INF2: variants seen among roughly 807,000 people sequenced by gnomAD.
The protein encoded by INF2 is inverted formin-2.
In INF2, 43 loss-of-function variants were observed where a neutral mutation model predicts 123.5. The ratio of observed to expected loss-of-function variants is 0.35; its 90% confidence interval spans 0.27 to 0.45. INF2 has a LOEUF of 0.45. INF2 is among the 20% of genes least tolerant of loss of function. The pLI, the probability that INF2 is intolerant of heterozygous loss-of-function variation, is 1.00. For missense variants in INF2, 1,453 were observed against 1,682.7 expected, an observed-to-expected ratio of 0.86 and a Z score of 2.39; for synonymous variants, 851 against 745.0, an observed-to-expected ratio of 1.14 and a Z score of -2.32.
rs1890239235 is a variant in INF2 at position 104,715,190 on chromosome 14, A to C, written c.3695-94A>C. 5 of 1,234,578 alleles carry C rather than the reference A, an allele frequency of 4.0e-6. No individual in the cohort carries two copies. The Admixed American group carries it at 6.8e-5, about 17-fold the overall frequency. The allele number at this position is 1,234,578 out of a possible 1,614,324, so 76.5% of individuals were successfully genotyped here. A position where few individuals can be genotyped will look rare whatever the true frequency, so the allele number is the denominator to read the frequency against. ...CGGGCAGCCCTCAGAGGGTGTTGGC[A>C]TGGCTGTCCCGGGCCCCCCAGCCCC... On this transcript the variant is annotated intron_variant, in intron 21 of 22. Transcript: ENST00000392634.
In INF2 at chr14:104,707,334, C is replaced by A; in HGVS notation, c.1067C>A (p.Ala356Asp). The change falls in exon 8 of 23, where the codon GCC (alanine) becomes GAC (aspartate). Residue 356 changes from alanine to aspartate, a missense_variant. By Grantham distance (126) the Ala-to-Asp change is moderately radical (BLOSUM62 -2). Around this residue, in one of 8 missense-constraint regions of INF2, gnomAD observed 374 missense variants for 303.7 expected, o/e 1.23. Coordinates refer to ENST00000392634, the MANE Select transcript of INF2 (RefSeq NM_022489.4). ...GRPRPSPLVKAHKSVQANLDQ... is the reference protein window; with the variant it reads ...GRPRPSPLVKDHKSVQANLDQ... The stretch of plus-strand genomic sequence containing the variant: ...CCCAGACCGAGCCCCCTGGTCAAGG[C>A]CCATAAAAGCGTCCAGGCCAACCTA... The A allele has an allele frequency of 1.2e-6, 2 of 1,602,068 alleles. No homozygotes were observed. Among genetic ancestry groups the A allele is most frequent in the African/African-American group, 2.7e-5 (2 of 74,716 alleles).
intron 22 of INF2, chr14:104,715,585 C>G (rs913648110): frequency 8.2e-6 from 5 of 607,180 alleles, no homozygotes; most frequent in South Asian, 3.8e-5. Flanking sequence ...GTGCTGGCCC[C>G]GGGCATGCGG....
At chr14:104,715,719 G>A in intron 22 of INF2, 2 of 522,992 alleles carry the variant, frequency 3.8e-6, no homozygotes, top group Non-Finnish European at 7.3e-6. Context: ...CTGGTGTCCT[G>A]GCGCTAACTG....
chr14:104,709,337 TGGA>T lies in INF2; in HGVS notation c.2009_2011del (p.Glu670del). ...GCTGGAGATACCACCAAGTTTGATG[TGGA>T]GGTTCTCAAACAACTCCTTAAGCTC... On this transcript the variant is annotated inframe_deletion, in exon 11 of 23. Transcript: ENST00000392634. 1 of 1,613,148 alleles carries T rather than the reference TGGA, an allele frequency of 6.2e-7. No individual in the cohort carries two copies. The highest frequency in any genetic ancestry group is 8.5e-7 in the Non-Finnish European group (1 of 1,179,826).
chr14:104,701,465 G>T lies in INF2; in HGVS notation c.100G>T (p.Asp34Tyr). The T allele has an allele frequency of 6.2e-7, 1 of 1,600,616 alleles. No individual in the cohort carries two copies. The change falls in exon 2 of 23, where the codon GAC (aspartate) becomes TAC (tyrosine). Residue 34 changes from aspartate (D) to tyrosine (Y), a missense_variant. Around this residue, in one of 8 missense-constraint regions of INF2, gnomAD observed 43 missense variants for 44.7 expected, o/e 0.96. Coordinates refer to ENST00000392634, the MANE Select transcript of INF2 (RefSeq NM_022489.4). Reference sequence around the variant, plus strand: ...CACGGAGGCCAACCTGGAGAGCGCGGACCCCGAGCTGTGCATCCGGCTGCT... The same window carrying T: ...CACGGAGGCCAACCTGGAGAGCGCGTACCCCGAGCTGTGCATCCGGCTGCT... ...DPTEANLESA[D>Y]PELCIRLLQM...
chr14:104,689,570 G>T (rs1283337171), upstream of INF2: 4 of 935,736 alleles, frequency 4.3e-6, no homozygotes, highest in Non-Finnish European at 5.1e-6. Context: ...GCTGACGGGC[G>T]GGGCGGCACC....
In INF2 at chr14:104,713,192, C is replaced by T; in HGVS notation, c.2776-15C>T. 1.3e-6 allele frequency: 2 copies of T among 1,561,018 alleles called. No homozygotes were observed. Among genetic ancestry groups the T allele is most frequent in the Non-Finnish European group, 1.7e-6 (2 of 1,153,668 alleles). ...ATGCCACGCTGGGGTGACGGGGCCACATCTGCCAGTGCAGGAGAACAAGGA... is the reference window on the plus strand; with the variant it reads ...ATGCCACGCTGGGGTGACGGGGCCATATCTGCCAGTGCAGGAGAACAAGGA... On this transcript the variant is annotated splice_polypyrimidine_tract_variant and intron_variant, in intron 18 of 22. Coordinates refer to ENST00000392634, the MANE Select transcript of INF2 (RefSeq NM_022489.4).
At chr14:104,695,147 G>A (rs1270150557) in intron 1 of INF2, among the ~76,000 whole-genome samples, 1 of 152,126 alleles carries the variant, frequency 6.6e-6, no homozygotes, top group East Asian at 1.9e-4. Context: ...GTACGTCTGG[G>A]GCCTGCGATA....
Position 104,699,689 on chromosome 14 carries a change from C to G in INF2, c.-9-1668C>G, listed in dbSNP as rs1328985299. 1 of 685,218 alleles carries G rather than the reference C, an allele frequency of 1.5e-6. No homozygotes were observed. The highest frequency in any genetic ancestry group is 2.0e-5 in the African/African-American group (1 of 51,194). 42.4% of individuals were successfully genotyped at this position (685,218 alleles called of 1,614,324 possible). ...CACCGGGGGCTCCGGGCTCTCCGTT[C>G]TACAGTGCCCAGACCAGGACCCCCT... is the stretch of plus-strand genomic sequence containing the variant. On this transcript the variant is annotated intron_variant, in intron 1 of 22. Transcript: ENST00000392634. The surrounding 1 kb of genome is among the most constrained non-coding windows in gnomAD (Gnocchi z 4.7).
At chr14:104,710,265 C>A in intron 13 of INF2, 77 bp downstream of exon 13, 1 of 1,011,600 alleles carries the variant, frequency 9.9e-7, no homozygotes, top group South Asian at 1.4e-5. Context: ...CTCGGGGCCC[C>A]TGCTACTGCC....
At chr14:104,684,901 A>T (rs575413890), upstream of INF2, 1 of 152,350 alleles carries the variant, frequency 6.6e-6, no homozygotes, top group South Asian at 2.1e-4. This position sits in a 1 kb window ranked among gnomAD's most constrained non-coding sequence, Gnocchi z 5.0. Context: ...TGTTTCTGTT[A>T]ATATATGTCA....
chr14:104,705,600 G>A (rs1287424028), intron 5 of INF2, among the ~76,000 whole-genome samples: 4 of 152,096 alleles, frequency 2.6e-5, no homozygotes, highest in Non-Finnish European at 4.4e-5. Flanking sequence ...CCAGAGCCCC[G>A]CCCCTCCTGT....
upstream of INF2, among the ~76,000 whole-genome samples, chr14:104,685,686 A>G (rs1181942385): frequency 9.7e-5 from 12 of 123,252 alleles, no homozygotes; most frequent in South Asian, 2.7e-4. Flanking sequence ...TGGGTGGATG[A>G]GTAGGTGGAT....
chr14:104,690,859 G>A (rs1888910350), intron 1 of INF2: 1 of 152,260 alleles, frequency 6.6e-6, no homozygotes, highest in South Asian at 2.1e-4. Flanking sequence ...GGGCTTTTGG[G>A]GTGTCGGTGC....
At position 104,721,474 on chromosome 14, in the gene INF2, G is replaced by A. The variant is rs1890555994; in HGVS notation, c.*2681G>A. On this transcript the variant is annotated 3_prime_UTR_variant, in exon 23 of 23. Transcript: ENST00000392634. ...ATGCTGCGAGTTTTCGTTGCTCTGG[G>A]GTAGATTCGTAGCGGAGGAACAACT... is the stretch of plus-strand genomic sequence containing the variant. 6.5e-6 allele frequency: 1 copy of A among 154,650 alleles called. No homozygotes were observed. Among genetic ancestry groups the A allele is most frequent in the Non-Finnish European group, 1.4e-5 (1 of 69,502 alleles). The allele number at this position is 154,650 out of a possible 1,614,324, so 9.6% of individuals were successfully genotyped here. A position where few individuals can be genotyped will look rare whatever the true frequency, so the allele number is the denominator to read the frequency against.
chr14:104,717,347 AG>A (rs1230102089), intron 22 of INF2, among the ~76,000 whole-genome samples: 2 of 138,194 alleles, frequency 1.4e-5, no homozygotes, highest in Non-Finnish European at 3.1e-5. Context: ...CCCCCCGGGC[AG>A]GGTGCGCTGC....
intron 15 of INF2, 110 bp from the exon 16 acceptor site, chr14:104,711,519 G>A (rs1191773116): frequency 8.2e-6 from 8 of 976,010 alleles, no homozygotes; most frequent in East Asian, 2.5e-5. Context: ...AGTACTGGGG[G>A]TTTTCTGGAC....
At chr14:104,689,180 TC>T (rs142815935), upstream of INF2, 10,673 of 984,594 alleles carry the variant, frequency 0.011, 932 homozygotes, top group African/African-American at 0.17. Flanking sequence ...TGCTGAGGGA[TC>T]CCCGAACGCG....
intron 17 of INF2, 35 bp downstream of exon 17, chr14:104,712,588 A>T: frequency 6.2e-7 from 1 of 1,612,048 alleles, no homozygotes; most frequent in Non-Finnish European, 8.5e-7. Context: ...CTGGCGGGAG[A>T]GGCTGCCCTG....
Sources: allele counts gnomAD v4.1 joint callset (sites outside exome capture counted in the v4.1 genomes callset), GRCh38; gene constraint gnomAD v4.1.1; regional missense constraint gnomAD v4.1.1; non-coding constraint Gnocchi (gnomAD v3.1); transcripts MANE v1.5; gene names NCBI Gene and HGNC (gene_info 2026-07-23, HGNC 2026-07-21).